GPR176: variants seen among roughly 807,000 people sequenced by gnomAD.
GPR176 encodes G-protein coupled receptor 176.
Under a neutral mutation model 35.4 loss-of-function variants are expected in GPR176, and 26 were observed. The observed-to-expected ratio is 0.74, with a 90% CI of 0.54 to 1.02. The LOEUF is 1.02. Among genes scored for constraint, GPR176 ranks in the 50% least tolerant of loss-of-function variants. GPR176 has a pLI of 0.00. For missense variants in GPR176, 597 were observed against 665.3 expected (o/e 0.90, Z 1.13); for synonymous variants, 278 against 271.3 (o/e 1.02, Z -0.24).
intron 1 of GPR176, among the ~76,000 whole-genome samples, chr15:39,837,679 A>G (rs981378063): frequency 3.3e-5 from 5 of 152,182 alleles, no homozygotes; most frequent in Non-Finnish European, 1.5e-5. Flanking sequence ...CAAGCCAGGC[A>G]TCTTACATAC....
At chr15:39,847,300 G>T (rs2030499535) in intron 1 of GPR176, among the ~76,000 whole-genome samples, 1 of 152,062 alleles carries the variant, frequency 6.6e-6, no homozygotes, top group South Asian at 2.1e-4. Context: ...AATGCAAATG[G>T]TCCAAATACA....
chr15:39,858,756 C>CT (rs918588704), intron 1 of GPR176, among the ~76,000 whole-genome samples: 2 of 150,762 alleles, frequency 1.3e-5, no homozygotes, highest in Admixed American at 6.6e-5. Flanking sequence ...CTTTTTTTTT[C>CT]TTTTTTTTGA....
At chr15:39,919,362 G>T (rs2140884648) in intron 1 of GPR176, among the ~76,000 whole-genome samples, 1 of 152,208 alleles carries the variant, frequency 6.6e-6, no homozygotes, top group East Asian at 1.9e-4. Flanking sequence ...GTGTTCCGAA[G>T]AAGCACGCAG....
chr15:39,848,863 T>C (rs1227332326), intron 1 of GPR176, among the ~76,000 whole-genome samples: 6 of 135,788 alleles, frequency 4.4e-5, no homozygotes, highest in Admixed American at 3.1e-4. Context: ...TAATTAGGAA[T>C]GAGAAAATGT....
chr15:39,861,328 G>A (rs1289194759), intron 1 of GPR176, among the ~76,000 whole-genome samples: 1 of 152,128 alleles, frequency 6.6e-6, no homozygotes, highest in Admixed American at 6.5e-5. Context: ...GAGGCTGGCA[G>A]ATCACAAAGT....
At chr15:39,818,431 T>C (rs1430170220) in intron 1 of GPR176, among the ~76,000 whole-genome samples, 2 of 152,210 alleles carry the variant, frequency 1.3e-5, no homozygotes, top group Non-Finnish European at 2.9e-5. Flanking sequence ...TTAAGAAATA[T>C]ATATCCCCTA....
intron 1 of GPR176, among the ~76,000 whole-genome samples, chr15:39,839,868 A>G (rs920553189): frequency 1.3e-5 from 2 of 150,236 alleles, no homozygotes; most frequent in African/African-American, 4.8e-5. Context: ...GCCAACAAAC[A>G]TATGAAAAAA....
chr15:39,877,093 A>G (rs62002525), intron 1 of GPR176, among the ~76,000 whole-genome samples: 2 of 152,076 alleles, frequency 1.3e-5, no homozygotes, highest in Non-Finnish European at 1.5e-5. Context: ...TCTCATAAGA[A>G]AACCCAATTA....
chr15:39,810,746 A>G (rs1316966016), intron 1 of GPR176, among the ~76,000 whole-genome samples: 1 of 152,242 alleles, frequency 6.6e-6, no homozygotes, highest in African/African-American at 2.4e-5. Context: ...TACAAGGAAA[A>G]GCCTATGACA....
Position 39,802,290 on chromosome 15 carries a change from G to A in GPR176, c.426-36C>T, listed in dbSNP as rs760052327. 4 of 1,492,844 alleles carry A rather than the reference G, an allele frequency of 2.7e-6. No homozygotes were observed. The South Asian group carries it at 5.2e-5, about 19-fold the overall frequency. The allele number at this position is 1,492,844 out of a possible 1,614,324, so 92.5% of individuals were successfully genotyped here. On this transcript the variant is annotated intron_variant, in intron 2 of 2. Transcript: ENST00000561100. ...CACAAACAAAATTAATTCCACAGAA[G>A]ATACTTTTTAAATTAGGGGAACCTA...
chr15:39,909,441 C>A (rs1474479132), intron 1 of GPR176, among the ~76,000 whole-genome samples: 2 of 152,192 alleles, frequency 1.3e-5, no homozygotes, highest in Non-Finnish European at 2.9e-5. Context: ...ATTCTAAAAG[C>A]AACATAATAC....
intron 2 of GPR176, 67 bp downstream of exon 2, chr15:39,806,939 G>A: frequency 1.4e-6 from 2 of 1,426,392 alleles, no homozygotes; most frequent in Non-Finnish European, 1.9e-6. Flanking sequence ...CTCATCATTT[G>A]CTTCATGATG....
intron 1 of GPR176, among the ~76,000 whole-genome samples, chr15:39,891,778 G>A (rs371259846): frequency 1.3e-5 from 2 of 152,312 alleles, no homozygotes; most frequent in Admixed American, 6.5e-5. Context: ...GTTGGAGACT[G>A]TAGTGAGTTA....
intron 1 of GPR176, among the ~76,000 whole-genome samples, chr15:39,871,315 TC>T (rs1668602160): frequency 1.3e-5 from 2 of 152,180 alleles, no homozygotes; most frequent in South Asian, 4.1e-4. Flanking sequence ...AATGGAGCAG[TC>T]AAAAAATAAT....
At chr15:39,872,953 GTGTGTGTGTGTGTA>G in intron 1 of GPR176, among the ~76,000 whole-genome samples, 1 of 138,374 alleles carries the variant, frequency 7.2e-6, no homozygotes, top group Admixed American at 7.1e-5. Context: ...GTGTGTGTGT[GTGTGTGTGTGTGTA>G]ATCATGAGAG....
chr15:39,825,638 A>C (rs1292476697), intron 1 of GPR176, among the ~76,000 whole-genome samples: 1 of 152,182 alleles, frequency 6.6e-6, no homozygotes, highest in Non-Finnish European at 1.5e-5. Flanking sequence ...TGCCATTATA[A>C]ACAAAAAAAA....
At chr15:39,874,220 G>A (rs375344994) in intron 1 of GPR176, among the ~76,000 whole-genome samples, 1 of 152,130 alleles carries the variant, frequency 6.6e-6, no homozygotes, top group African/African-American at 2.4e-5. Flanking sequence ...AAATTGACCT[G>A]TAGTGTGGTA....
intron 1 of GPR176, among the ~76,000 whole-genome samples, chr15:39,915,386 T>C (rs928188676): frequency 1.3e-5 from 2 of 152,202 alleles, no homozygotes; most frequent in Admixed American, 1.3e-4. Context: ...CCTCATGACC[T>C]CATCTAAACC....
At chr15:39,863,929 A>G (rs991718214) in intron 1 of GPR176, among the ~76,000 whole-genome samples, 4 of 152,182 alleles carry the variant, frequency 2.6e-5, no homozygotes, top group African/African-American at 2.4e-5. Context: ...ATGACTATGT[A>G]TTGAATATAA....
Sources: gnomAD v4.1 joint callset for allele counts (sites outside exome capture counted in the v4.1 genomes callset) on GRCh38, gnomAD v4.1.1 for gene constraint, MANE v1.5 for transcripts, NCBI Gene and HGNC (gene_info 2026-07-23, HGNC 2026-07-21) for gene names.